FREM2: variants seen among roughly 807,000 people sequenced by gnomAD.
FREM2 encodes FRAS1-related extracellular matrix protein 2.
A neutral mutation model predicts 219.9 loss-of-function variants in FREM2; 119 were observed. The ratio of observed to expected loss-of-function variants is 0.54; its 90% CI spans 0.47 to 0.63. The LOEUF (loss-of-function observed/expected upper bound fraction) is 0.63. Ranked by LOEUF, FREM2 falls within the 30% of genes least tolerant of loss-of-function variation. The pLI is 0.00. For missense variants in FREM2, 4,030 were observed against 3,993.6 expected, an observed-to-expected ratio of 1.01 and a Z score of -0.25; for synonymous variants, 1,562 against 1,522.8, an observed-to-expected ratio of 1.03 and a Z score of -0.60.
At chr13:38,757,009 T>TCTGA (rs1260176093) in intron 2 of FREM2, among the ~76,000 whole-genome samples, 1 of 152,118 alleles carries the variant, frequency 6.6e-6, no homozygotes. Context: ...TCTGCACGTG[T>TCTGA]CTGAGAATGA....
chr13:38,801,524 G>A (rs543210488), intron 6 of FREM2, among the ~76,000 whole-genome samples: 2 of 152,212 alleles, frequency 1.3e-5, no homozygotes, highest in Admixed American at 1.3e-4. Context: ...ATATGGTTTT[G>A]GTTGGAGAGG....
In FREM2 at chr13:38,851,754, G is replaced by A. The variant is rs1877378905; in HGVS notation, c.6811G>A (p.Val2271Ile). The A allele has an allele frequency of 1.2e-6, 2 of 1,613,496 alleles. No individual in the cohort carries two copies. The highest frequency in any genetic ancestry group is 1.1e-5 in the South Asian group (1 of 91,066). Reference sequence around the variant, plus strand: ...ACCCAAAGAACCTGGAGAGTCGGTGGTTATAAGAATTCCAGTGATTCGCCA... The same window carrying A: ...ACCCAAAGAACCTGGAGAGTCGGTGATTATAAGAATTCCAGTGATTCGCCA... The part of the protein sequence containing the change: ...TEPKEPGESV[V>I]IRIPVIRQGD... The change falls in exon 11 of 24, where the codon GTT becomes ATT. Residue 2271 changes from valine to isoleucine, a missense_variant. Around this residue, in one of 2 missense-constraint regions of FREM2, gnomAD observed 3,102 missense variants for 2,950.7 expected, o/e 1.05. Coordinates refer to ENST00000280481, the MANE Select transcript of FREM2 (RefSeq NM_207361.6).
chr13:38,752,126 CA>C (rs1276331994), intron 2 of FREM2, among the ~76,000 whole-genome samples: 2 of 152,172 alleles, frequency 1.3e-5, no homozygotes, highest in Non-Finnish European at 2.9e-5. Context: ...AAGTGTATGA[CA>C]TTGATGCTGT....
At chr13:38,695,915 G>GA (rs989695442) in intron 1 of FREM2, among the ~76,000 whole-genome samples, 23 of 150,938 alleles carry the variant, frequency 1.5e-4, no homozygotes, top group East Asian at 3.9e-4. Flanking sequence ...GTTAAGATAG[G>GA]AAAAAAAAAT....
chr13:38,796,115 G>A (rs1874768116), intron 6 of FREM2, among the ~76,000 whole-genome samples: 1 of 152,036 alleles, frequency 6.6e-6, no homozygotes, highest in South Asian at 2.1e-4. Context: ...CAGAATCCAA[G>A]GGAAAACAGG....
intron 21 of FREM2, among the ~76,000 whole-genome samples, chr13:38,877,925 A>C (rs1878397869): frequency 1.3e-5 from 2 of 152,326 alleles, no homozygotes; most frequent in South Asian, 4.1e-4. Context: ...ATCTTTAGTC[A>C]CTTCTGGTCA....
intron 2 of FREM2, among the ~76,000 whole-genome samples, chr13:38,734,747 T>TC: frequency 6.9e-6 from 1 of 145,854 alleles, no homozygotes; most frequent in Non-Finnish European, 1.5e-5. Context: ...ACTTTTTTTT[T>TC]TTTTTTTTTT....
chr13:38,819,010 A>G (rs527508895), intron 6 of FREM2, among the ~76,000 whole-genome samples: 3 of 152,292 alleles, frequency 2.0e-5, no homozygotes, highest in South Asian at 2.1e-4. Flanking sequence ...AAATATATCA[A>G]AACATCAAGT....
At chr13:38,871,731 A>C (rs1158537291) in intron 16 of FREM2, among the ~76,000 whole-genome samples, 1 of 152,084 alleles carries the variant, frequency 6.6e-6, no homozygotes, top group African/African-American at 2.4e-5. Flanking sequence ...ATACATGCAA[A>C]ATAATTATGG....
At chr13:38,717,191 C>A (rs1040348785) in intron 2 of FREM2, among the ~76,000 whole-genome samples, 1 of 152,032 alleles carries the variant, frequency 6.6e-6, no homozygotes, top group Non-Finnish European at 1.5e-5. Context: ...GTTAGGGGAA[C>A]AAAAGGGAGA....
rs1466725555 is a variant in FREM2, at chr13:38,884,918, C to T, written c.*4131C>T. ...AAGCTCATTTGTGAAAACATACTCT[C>T]ATGGGAGCTTCTTTAACATTAGTTC... On this transcript the variant is annotated 3_prime_UTR_variant, in exon 24 of 24. Transcript: ENST00000280481. 1 of 152,202 alleles carries T rather than the reference C, an allele frequency of 6.6e-6. No homozygotes were observed. The highest frequency in any genetic ancestry group is 2.4e-5 in the African/African-American group (1 of 41,462). The allele number at this position is 152,202 out of a possible 1,614,324, so 9.4% of individuals were successfully genotyped here. A position where few individuals can be genotyped will look rare whatever the true frequency, so the allele number is the denominator to read the frequency against.
intron 6 of FREM2, among the ~76,000 whole-genome samples, chr13:38,839,897 G>C (rs558351667): frequency 2.6e-5 from 4 of 152,320 alleles, no homozygotes; most frequent in Non-Finnish European, 5.9e-5. Flanking sequence ...TGGGCTCCAT[G>C]GGGGTGGGAT....
intron 2 of FREM2, among the ~76,000 whole-genome samples, chr13:38,761,231 G>A (rs1182627400): frequency 6.6e-6 from 1 of 152,124 alleles, no homozygotes; most frequent in Admixed American, 6.5e-5. Flanking sequence ...AAGGGGAAGT[G>A]ATAGGATGTG....
chr13:38,865,804 G>A (rs75363695), intron 16 of FREM2, among the ~76,000 whole-genome samples: 1 of 152,284 alleles, frequency 6.6e-6, no homozygotes, highest in African/African-American at 2.4e-5. Context: ...CTGGATATTG[G>A]AATCAAGCAA....
chr13:38,752,825 T>G (rs537742426), intron 2 of FREM2, among the ~76,000 whole-genome samples: 2 of 152,302 alleles, frequency 1.3e-5, no homozygotes, highest in African/African-American at 4.8e-5. Flanking sequence ...ATTAACTAAA[T>G]GGTGCTAAAC....
chr13:38,723,783 G>A (rs1219049418), intron 2 of FREM2, among the ~76,000 whole-genome samples: 1 of 152,176 alleles, frequency 6.6e-6, no homozygotes, highest in East Asian at 1.9e-4. Flanking sequence ...GCTTCCTGTA[G>A]AGGTGGAATC....
chr13:38,878,601 GT>G (rs1392735115), intron 22 of FREM2, among the ~76,000 whole-genome samples: 1 of 151,794 alleles, frequency 6.6e-6, no homozygotes, highest in African/African-American at 2.4e-5. Flanking sequence ...GATTGCTTAA[GT>G]CAGGAAGTTC....
rs545305259 is a variant in FREM2, at chr13:38,773,970, A to T, written c.5641+4162A>T. Among the ~76,000 whole-genome samples the T allele has an allele frequency of 4.8e-3, 727 of 150,858 alleles. 7 individuals carry two copies. The highest frequency in any genetic ancestry group is 0.015 in the African/African-American group (611 of 41,396). ...AGTGCCAGAGGCAGTATTTAAAAAAAATATGTATAAAATATATAATAAAAC... is the reference window on the plus strand; with the variant it reads ...AGTGCCAGAGGCAGTATTTAAAAAATATATGTATAAAATATATAATAAAAC... On this transcript the variant is annotated intron_variant, in intron 4 of 23. Coordinates refer to ENST00000280481, the MANE Select transcript of FREM2 (RefSeq NM_207361.6).
Position 38,848,455 on chromosome 13 carries a change from T to C in FREM2, c.6170-6T>C, listed in dbSNP as rs1182364783. On this transcript the variant is annotated splice_region_variant and splice_polypyrimidine_tract_variant and intron_variant, in intron 7 of 23. Transcript: ENST00000280481. ...CCAACTGAATATTTTTTTGTTACTGTCATAGCTGGAACAGACTATGTGGGC... is the reference window on the plus strand; with the variant it reads ...CCAACTGAATATTTTTTTGTTACTGCCATAGCTGGAACAGACTATGTGGGC... 6.2e-7 allele frequency: 1 copy of C among 1,604,672 alleles called. No homozygotes were observed. The highest frequency in any genetic ancestry group is 1.1e-5 in the South Asian group (1 of 90,866).
Sources: allele counts gnomAD v4.1 joint callset (sites outside exome capture counted in the v4.1 genomes callset), GRCh38; gene constraint gnomAD v4.1.1; regional missense constraint gnomAD v4.1.1; transcripts MANE v1.5; gene names NCBI Gene and HGNC (gene_info 2026-07-23, HGNC 2026-07-21).